ADCY8: variants seen among roughly 807,000 people sequenced by gnomAD.
The protein encoded by ADCY8 is adenylate cyclase 8.
ADCY8 carries 51 observed loss-of-function variants against 119.7 expected under a neutral mutation model. The ratio of observed to expected loss-of-function variants is 0.43; its 90% CI spans 0.34 to 0.54. ADCY8 has a LOEUF of 0.54. ADCY8 is among the 20% of genes least tolerant of loss of function. ADCY8 has a pLI of 0.03. For missense variants in ADCY8, 1,383 were observed against 1,598.8 expected, an observed-to-expected ratio of 0.87 and a Z score of 2.30; for synonymous variants, 665 against 651.0, an observed-to-expected ratio of 1.02 and a Z score of -0.33.
At chr8:130,956,222 G>T (rs1276049189) in intron 2 of ADCY8, among the ~76,000 whole-genome samples, 5 of 152,154 alleles carry the variant, frequency 3.3e-5, no homozygotes, top group Non-Finnish European at 1.5e-5. Flanking sequence ...GCTCTCCTTG[G>T]TTAACCCTTG....
intron 2 of ADCY8, among the ~76,000 whole-genome samples, chr8:130,988,426 T>G (rs2130737469): frequency 6.6e-6 from 1 of 152,346 alleles, no homozygotes; most frequent in African/African-American, 2.4e-5. Context: ...AAAGATAGCC[T>G]TTTCTTGTAT....
rs574148092 is a variant in ADCY8 at position 130,909,809 on chromosome 8, G to A, written c.1539C>T (p.Gly513=). The A allele has an allele frequency of 1.2e-6, 2 of 1,614,140 alleles. No homozygotes were observed. The highest frequency in any genetic ancestry group is 2.2e-5 in the South Asian group (2 of 91,082). Residue 513 remains glycine (G), a synonymous_variant, in exon 6 of 18, where the codon GGC becomes GGT. Coordinates refer to ENST00000286355, the MANE Select transcript of ADCY8 (RefSeq NM_001115.3). ...DVDMRIGIHS[G]SVLCGVLGLR... ...GTCCCAAAACACCGCACAGCACCGA[G>A]CCGGAGTGGATTCCAATCCTCATGT...
At chr8:131,009,314 A>G (rs1313458752) in intron 1 of ADCY8, among the ~76,000 whole-genome samples, 2 of 152,188 alleles carry the variant, frequency 1.3e-5, no homozygotes, top group Non-Finnish European at 1.5e-5. Context: ...AGCCCCAGTC[A>G]TGGCTAAAAG....
At chr8:130,937,284 G>T in intron 4 of ADCY8, 84 bp from the exon 5 acceptor site, 1 of 1,397,230 alleles carries the variant, frequency 7.2e-7, no homozygotes. Flanking sequence ...AGGCGAGCAG[G>T]GTTAGGTGGT....
intron 7 of ADCY8, among the ~76,000 whole-genome samples, chr8:130,886,471 G>T (rs1237987627): frequency 6.6e-6 from 1 of 152,114 alleles, no homozygotes; most frequent in Non-Finnish European, 1.5e-5. Flanking sequence ...AATGCTATTA[G>T]TGCAGCATCC....
At chr8:130,814,312 G>T in intron 13 of ADCY8, 85 bp from the exon 14 acceptor site, 2 of 1,434,334 alleles carry the variant, frequency 1.4e-6, no homozygotes, top group South Asian at 1.3e-5. Context: ...AGGCAGGAAA[G>T]GCTTCTCTGG....
At chr8:130,947,158 A>G (rs765762002) in intron 3 of ADCY8, among the ~76,000 whole-genome samples, 20 of 152,194 alleles carry the variant, frequency 1.3e-4, no homozygotes, top group Non-Finnish European at 2.5e-4. Flanking sequence ...AAAATAAGTC[A>G]TGTTACCTAA....
In ADCY8 at chr8:131,039,620, G is replaced by T; in HGVS notation, c.714C>A (p.Ser238=). 6.2e-7 allele frequency: 1 copy of T among 1,614,102 alleles called. No individual in the cohort carries two copies. The highest frequency in any genetic ancestry group is 8.5e-7 in the Non-Finnish European group (1 of 1,180,032). ...ALVVVRKDTT[S]HTYLQYSGVV... is the part of the protein sequence containing the mutation. The stretch of plus-strand genomic sequence containing the variant: ...CGCCGCTGTACTGCAGGTACGTGTG[G>T]GAGGTGGTGTCCTTCCTGACCACCA... Residue 238 remains serine (S), a synonymous_variant, in exon 1 of 18, where the codon TCC becomes TCA. Coordinates refer to ENST00000286355, the MANE Select transcript of ADCY8 (RefSeq NM_001115.3).
chr8:130,846,779 T>TTCC (rs756765019), intron 11 of ADCY8, among the ~76,000 whole-genome samples: 49 of 24,160 alleles, frequency 2.0e-3, no homozygotes, highest in South Asian at 0.012. Flanking sequence ...TCCTTCCTTC[T>TTCC]CCTTCCTTCC....
At chr8:131,019,152 T>C (rs1823572252) in intron 1 of ADCY8, among the ~76,000 whole-genome samples, 1 of 152,164 alleles carries the variant, frequency 6.6e-6, no homozygotes, top group Admixed American at 6.5e-5. Context: ...AGCTGGTGTA[T>C]ATTAGGCAAT....
At chr8:130,873,640 A>G (rs1818447376) in intron 8 of ADCY8, among the ~76,000 whole-genome samples, 2 of 151,980 alleles carry the variant, frequency 1.3e-5, no homozygotes, top group East Asian at 3.9e-4. Flanking sequence ...TTTATCAAAG[A>G]TTGTAGGTGA....
At chr8:131,000,769 A>G (rs191787255) in intron 1 of ADCY8, among the ~76,000 whole-genome samples, 1 of 152,042 alleles carries the variant, frequency 6.6e-6, no homozygotes. Context: ...GGCTCGCCAC[A>G]TGCACCCTAG....
At chr8:130,883,183 T>C (rs1818844260) in intron 8 of ADCY8, among the ~76,000 whole-genome samples, 2 of 152,148 alleles carry the variant, frequency 1.3e-5, no homozygotes, top group African/African-American at 4.8e-5. Flanking sequence ...TTAGCAAAAA[T>C]AAATAAAAGC....
At chr8:130,855,925 T>A (rs1817716362) in intron 9 of ADCY8, among the ~76,000 whole-genome samples, 1 of 152,180 alleles carries the variant, frequency 6.6e-6, no homozygotes, top group Non-Finnish European at 1.5e-5. Context: ...TTCAGTATGA[T>A]CCTTCTAAAC....
intron 8 of ADCY8, among the ~76,000 whole-genome samples, chr8:130,869,639 T>C (rs1818264110): frequency 6.6e-6 from 1 of 151,654 alleles, no homozygotes; most frequent in African/African-American, 2.4e-5. Flanking sequence ...TGCCTCAGCC[T>C]CCCGAGTAGC....
intron 1 of ADCY8, among the ~76,000 whole-genome samples, chr8:131,015,841 C>A (rs1308175179): frequency 6.6e-6 from 1 of 152,104 alleles, no homozygotes; most frequent in Admixed American, 6.5e-5. Context: ...CAAACTCAGA[C>A]CCAAATCTGA....
At chr8:130,881,778 T>G (rs1332041741) in intron 8 of ADCY8, among the ~76,000 whole-genome samples, 3 of 152,136 alleles carry the variant, frequency 2.0e-5, no homozygotes, top group Non-Finnish European at 4.4e-5. Context: ...CCAGGGAGGT[T>G]TGCAATTGCT....
chr8:131,013,362 G>A lies in ADCY8; in HGVS notation c.961-22820C>T, dbSNP rs548119885. 1.2e-4 allele frequency among the ~76,000 whole-genome samples: 19 copies of A among 152,274 alleles called. No individual in the cohort carries two copies. In the South Asian group the frequency reaches 3.3e-3, roughly 27 times the overall value. ...GCAGGGAGGGTGATCCTACAGTGCCGTAGGGTAAGGGAAGGAGGAAGGGAA... is the reference window on the plus strand; with the variant it reads ...GCAGGGAGGGTGATCCTACAGTGCCATAGGGTAAGGGAAGGAGGAAGGGAA... On this transcript the variant is annotated intron_variant, in intron 1 of 17. Coordinates refer to ENST00000286355, the MANE Select transcript of ADCY8 (RefSeq NM_001115.3).
chr8:130,963,386 G>C (rs536425968), intron 2 of ADCY8, among the ~76,000 whole-genome samples: 1 of 152,312 alleles, frequency 6.6e-6, no homozygotes, highest in East Asian at 1.9e-4. Context: ...AGGACAGAAG[G>C]AGCTAGACCT....
Sources: gnomAD v4.1 joint callset for allele counts (sites outside exome capture counted in the v4.1 genomes callset) on GRCh38, gnomAD v4.1.1 for gene constraint, MANE v1.5 for transcripts, NCBI Gene and HGNC (gene_info 2026-07-23, HGNC 2026-07-21) for gene names.